Variants in C1orf21 observed in about 807,000 individuals in gnomAD.
The protein encoded by C1orf21 is uncharacterized protein C1orf21.
A neutral mutation model predicts 18.7 loss-of-function variants in C1orf21; 3 were observed. That is an observed-to-expected ratio of 0.16 (90% CI 0.07 to 0.42). C1orf21 has a LOEUF of 0.42. Among genes scored for constraint, C1orf21 ranks in the 10% least tolerant of loss-of-function variants. The pLI, the probability that C1orf21 is intolerant of heterozygous loss-of-function variation, is 0.99. For missense variants in C1orf21, 104 were observed against 143.6 expected, an observed-to-expected ratio of 0.72 and a Z score of 1.41; for synonymous variants, 41 against 46.4, an observed-to-expected ratio of 0.88 and a Z score of 0.47.
chr1:184,401,873 T>G (rs1039471856), intron 1 of C1orf21, among the ~76,000 whole-genome samples: 1 of 152,074 alleles, frequency 6.6e-6, no homozygotes, highest in Non-Finnish European at 1.5e-5. Context: ...TAATCAGTAT[T>G]TAAAAATATT....
chr1:184,514,315 A>G (rs1205438051), intron 3 of C1orf21, among the ~76,000 whole-genome samples: 1 of 152,158 alleles, frequency 6.6e-6, no homozygotes, highest in African/African-American at 2.4e-5. Context: ...TAAAAAGAGG[A>G]AATACACATT....
intron 2 of C1orf21, among the ~76,000 whole-genome samples, chr1:184,498,738 A>G (rs908993723): frequency 2.0e-5 from 3 of 152,204 alleles, no homozygotes; most frequent in African/African-American, 4.8e-5. Context: ...TGTTTGTGGA[A>G]ATGATGCATT....
chr1:184,419,610 C>T (rs988362958), intron 1 of C1orf21, among the ~76,000 whole-genome samples: 9 of 151,588 alleles, frequency 5.9e-5, no homozygotes, highest in Admixed American at 2.6e-4. Flanking sequence ...TCAGTTACGC[C>T]ATATGTTTGA....
At chr1:184,398,816 G>A (rs542533847) in intron 1 of C1orf21, among the ~76,000 whole-genome samples, 1 of 152,308 alleles carries the variant, frequency 6.6e-6, no homozygotes, top group South Asian at 2.1e-4. Flanking sequence ...TGATATACCT[G>A]TGTAGGACAG....
At chr1:184,598,211 G>T (rs1203742733) in intron 4 of C1orf21, among the ~76,000 whole-genome samples, 190 bp from the exon 5 acceptor site, 1 of 151,998 alleles carries the variant, frequency 6.6e-6, no homozygotes, top group South Asian at 2.1e-4. Context: ...GGCACTGATA[G>T]ACAATTATGA....
In C1orf21 at chr1:184,619,643, C is replaced by A; in HGVS notation, c.*87C>A. On this transcript the variant is annotated 3_prime_UTR_variant, in exon 6 of 6. Coordinates refer to ENST00000235307, the MANE Select transcript of C1orf21 (RefSeq NM_030806.4). ...AATCTTTGCAAAGGTCGGTTCTATT[C>A]AGCGAACAGCACTATAGCAAAAGAA... The A allele has an allele frequency of 8.2e-7, 1 of 1,212,728 alleles. No individual in the cohort carries two copies. Among genetic ancestry groups the A allele is most frequent in the Non-Finnish European group, 1.2e-6 (1 of 835,804 alleles). The allele number at this position is 1,212,728 out of a possible 1,614,324, so 75.1% of individuals were successfully genotyped here.
At chr1:184,598,589 A>G (rs1659548195) in intron 5 of C1orf21, 128 bp downstream of exon 5, 2 of 886,006 alleles carry the variant, frequency 2.3e-6, no homozygotes, top group African/African-American at 3.4e-5. Context: ...TGGAGAGTTA[A>G]ATAAAAGTCA....
chr1:184,588,616 C>T (rs991555600), intron 3 of C1orf21, among the ~76,000 whole-genome samples: 3 of 151,850 alleles, frequency 2.0e-5, no homozygotes, highest in Non-Finnish European at 2.9e-5. Flanking sequence ...GGTACCCAAC[C>T]GTGAGAGGTA....
At chr1:184,404,112 A>G (rs1278619049) in intron 1 of C1orf21, among the ~76,000 whole-genome samples, 1 of 152,228 alleles carries the variant, frequency 6.6e-6, no homozygotes, top group Non-Finnish European at 1.5e-5. Flanking sequence ...TACATTTTAC[A>G]GATGAATAAA....
intron 1 of C1orf21, among the ~76,000 whole-genome samples, chr1:184,401,593 G>A (rs57073878): frequency 0.28 from 41,769 of 151,686 alleles, 8,528 homozygotes; most frequent in African/African-American, 0.58. Context: ...TTTATTATTT[G>A]TCATTTTTCT....
intron 1 of C1orf21, among the ~76,000 whole-genome samples, chr1:184,403,069 A>G (rs13374592): frequency 0.072 from 10,952 of 152,220 alleles, 524 homozygotes; most frequent in African/African-American, 0.14. Context: ...TGCCCTACCA[A>G]TATTACTGTT....
Position 184,507,750 on chromosome 1 carries a change from T to C in C1orf21, c.189+68T>C. ...CTATTGTAATAAAATCTGCACTGCA[T>C]GTTTTAACTGCAACTTACACACTGG... is the stretch of plus-strand genomic sequence containing the variant. On this transcript the variant is annotated intron_variant, in intron 3 of 5. Coordinates refer to ENST00000235307, the MANE Select transcript of C1orf21 (RefSeq NM_030806.4). 6 of 1,208,004 alleles carry C rather than the reference T, an allele frequency of 5.0e-6. No individual in the cohort carries two copies. In the South Asian group the frequency reaches 9.2e-5, roughly 19 times the overall value. 74.8% of individuals were successfully genotyped at this position (1,208,004 alleles called of 1,614,324 possible).
chr1:184,585,772 A>G (rs979922775), intron 3 of C1orf21, among the ~76,000 whole-genome samples: 2 of 152,304 alleles, frequency 1.3e-5, no homozygotes, highest in Middle Eastern at 3.4e-3. Flanking sequence ...CTTCAGTTCC[A>G]TCCATGTTCC....
chr1:184,583,812 CCCTGTCAAAAGCCT>C (rs2101995944), intron 3 of C1orf21, among the ~76,000 whole-genome samples: 1 of 152,192 alleles, frequency 6.6e-6, no homozygotes, highest in Admixed American at 6.5e-5. Flanking sequence ...CCTGTGGAGA[CCCTGTCAAAAGCCT>C]TTATCTTAGT....
intron 5 of C1orf21, among the ~76,000 whole-genome samples, chr1:184,601,388 C>T (rs1437917270): frequency 6.6e-6 from 1 of 152,176 alleles, no homozygotes; most frequent in African/African-American, 2.4e-5. Flanking sequence ...TCTGCTCTAT[C>T]TCCCTCAAAA....
At chr1:184,480,779 G>A (rs1425385623) in intron 2 of C1orf21, among the ~76,000 whole-genome samples, 1 of 152,164 alleles carries the variant, frequency 6.6e-6, no homozygotes, top group Admixed American at 6.5e-5. Flanking sequence ...TTTAAAGGGG[G>A]ACTTGGCATG....
At chr1:184,590,944 A>G in intron 4 of C1orf21, 129 bp downstream of exon 4, 2 of 890,718 alleles carry the variant, frequency 2.2e-6, no homozygotes, top group Non-Finnish European at 3.4e-6. Flanking sequence ...TCCAAAAAAC[A>G]AAATTTGAAC....
intron 3 of C1orf21, among the ~76,000 whole-genome samples, chr1:184,557,485 G>C (rs925570886): frequency 6.6e-6 from 1 of 152,134 alleles, no homozygotes; most frequent in Admixed American, 6.5e-5. Flanking sequence ...CCACTTATGA[G>C]TGAGAACGTA....
At chr1:184,595,019 C>T (rs902334975) in intron 4 of C1orf21, among the ~76,000 whole-genome samples, 2 of 152,180 alleles carry the variant, frequency 1.3e-5, no homozygotes, top group Non-Finnish European at 2.9e-5. Context: ...TGAGAAGTCT[C>T]AGGAAGAAGA....
Sources: gnomAD v4.1 joint callset for allele counts (sites outside exome capture counted in the v4.1 genomes callset) on GRCh38, gnomAD v4.1.1 for gene constraint, MANE v1.5 for transcripts, NCBI Gene and HGNC (gene_info 2026-07-23, HGNC 2026-07-21) for gene names.